The following PTPRN2 variants were observed in gnomAD, a reference collection of about 807,000 sequenced individuals.
The protein encoded by PTPRN2 is receptor-type tyrosine-protein phosphatase N2.
PTPRN2 carries 74 observed loss-of-function variants against 118.8 expected under a neutral mutation model. The ratio of observed to expected loss-of-function variants is 0.62; its 90% CI spans 0.52 to 0.76. PTPRN2 has a LOEUF of 0.76. Ranked by LOEUF, PTPRN2 falls within the 30% of genes least tolerant of loss-of-function variation. The pLI, the probability that PTPRN2 is intolerant of heterozygous loss-of-function variation, is 0.00. For missense variants in PTPRN2, 1,481 were observed against 1,394.4 expected (o/e 1.06, Z -0.99); for synonymous variants, 641 against 608.0 (o/e 1.05, Z -0.80).
intron 1 of PTPRN2, among the ~76,000 whole-genome samples, chr7:158,512,063 G>A (rs542780167): frequency 5.3e-5 from 8 of 152,302 alleles, no homozygotes; most frequent in African/African-American, 1.9e-4. Flanking sequence ...AATCAAGGAT[G>A]CTTCAGATCC....
At chr7:158,137,236 C>A (rs185383419) in intron 7 of PTPRN2, among the ~76,000 whole-genome samples, 97 of 152,022 alleles carry the variant, frequency 6.4e-4, no homozygotes, top group African/African-American at 2.3e-3. Flanking sequence ...GGCCAACAGG[C>A]GAAACCCCGT....
intron 11 of PTPRN2, among the ~76,000 whole-genome samples, chr7:158,066,010 C>T (rs1030475470): frequency 3.9e-5 from 6 of 152,202 alleles, no homozygotes; most frequent in East Asian, 3.9e-4. Context: ...CACACAGGGA[C>T]GGGCTTTCTT....
intron 2 of PTPRN2, among the ~76,000 whole-genome samples, chr7:158,407,937 T>C (rs1792714655): frequency 6.6e-6 from 1 of 152,252 alleles, no homozygotes; most frequent in African/African-American, 2.4e-5. Context: ...AGAGCTTGTG[T>C]GCAAATTCCC....
rs909062260 is a variant in PTPRN2, at chr7:157,590,255, T to G, written c.2496+4983A>C. 1.3e-5 allele frequency among the ~76,000 whole-genome samples: 2 copies of G among 152,112 alleles called. No homozygotes were observed. The highest frequency in any genetic ancestry group is 4.8e-5 in the African/African-American group (2 of 41,414). On this transcript the variant is annotated intron_variant, in intron 17 of 22. Transcript: ENST00000389418. This position sits in a 1 kb window ranked among gnomAD's most constrained non-coding sequence, Gnocchi z 4.0. Reference sequence around the variant, plus strand: ...ACAAAATGACACCCTCACCCCAAAATGGGTATTCTTTCCTTGAGGGATGTT... The same window carrying G: ...ACAAAATGACACCCTCACCCCAAAAGGGGTATTCTTTCCTTGAGGGATGTT...
chr7:158,138,266 G>A (rs760009063), intron 7 of PTPRN2, 28 bp downstream of exon 7: 4 of 1,603,230 alleles, frequency 2.5e-6, no homozygotes, highest in South Asian at 2.2e-5. Context: ...GCACCCCTGG[G>A]TGTGGGCACC....
chr7:157,702,379 G>C lies in PTPRN2; in HGVS notation c.1789-19442C>G, dbSNP rs552379042. On this transcript the variant is annotated intron_variant, in intron 12 of 22. Coordinates refer to ENST00000389418, the MANE Select transcript of PTPRN2 (RefSeq NM_002847.5). The stretch of plus-strand genomic sequence containing the variant: ...CTATGAGAAAGCCTGGTAGGTGCTG[G>C]TGTAACTGACACGGGCTCTGAGTTT... Among the ~76,000 whole-genome samples, 3 of 152,332 alleles carry C rather than the reference G, an allele frequency of 2.0e-5. No homozygotes were observed. The East Asian group carries it at 5.8e-4, about 29-fold the overall frequency.
At chr7:158,338,647 T>C (rs1806147898) in intron 2 of PTPRN2, among the ~76,000 whole-genome samples, 1 of 53,048 alleles carries the variant, frequency 1.9e-5, no homozygotes, top group Non-Finnish European at 3.3e-5. Flanking sequence ...CCATAAAAGC[T>C]GATGCCTGCA....
Position 158,167,001 on chromosome 7 carries a change from C to A in PTPRN2, c.840G>T (p.Leu280=). 1 of 1,467,656 alleles carries A rather than the reference C, an allele frequency of 6.8e-7. No homozygotes were observed. Among genetic ancestry groups the A allele is most frequent in the African/African-American group, 1.4e-5 (1 of 70,756 alleles). The allele number at this position is 1,467,656 out of a possible 1,614,324, so 90.9% of individuals were successfully genotyped here. A position where few individuals can be genotyped will look rare whatever the true frequency, so the allele number is the denominator to read the frequency against. ...GCCACTTCTGGGGGGCGGCTGGTGC[C>A]AGCAAAGGCCTGGGCATTCTTGAGG... ...RAPSRMPRPL[L]APAAPQKWPS... Residue 280 remains leucine, a synonymous_variant, in exon 6 of 23, where the codon CTG becomes CTT. Transcript: ENST00000389418.
intron 10 of PTPRN2, among the ~76,000 whole-genome samples, chr7:158,085,224 AC>A (rs1480370648): frequency 1.0e-5 from 1 of 98,210 alleles, no homozygotes; most frequent in East Asian, 3.7e-4. Flanking sequence ...CCACACAGAT[AC>A]CCATCCACAC....
chr7:158,516,904 T>C (rs1005572969), intron 1 of PTPRN2, among the ~76,000 whole-genome samples: 8 of 152,222 alleles, frequency 5.3e-5, no homozygotes, highest in African/African-American at 1.9e-4. Context: ...TTCCTGGTGC[T>C]GTTCTTGGTG....
intron 2 of PTPRN2, among the ~76,000 whole-genome samples, chr7:158,327,242 T>TACATGCACACATTCTC (rs1170197981): frequency 6.9e-6 from 1 of 145,330 alleles, no homozygotes; most frequent in Non-Finnish European, 1.5e-5. Flanking sequence ...CATATCCACA[T>TACATGCACACATTCTC]ACATGCACAC....
intron 1 of PTPRN2, among the ~76,000 whole-genome samples, chr7:158,490,202 C>A (rs1006960185): frequency 6.6e-6 from 1 of 152,206 alleles, no homozygotes; most frequent in Non-Finnish European, 1.5e-5. Context: ...CGCCGGGGAG[C>A]GGAGGCTTCC....
chr7:158,014,550 T>A (rs1806297464), intron 11 of PTPRN2, among the ~76,000 whole-genome samples: 1 of 151,458 alleles, frequency 6.6e-6, no homozygotes, highest in Admixed American at 6.6e-5. Context: ...CACCTACCCA[T>A]CCATTCAGGA....
At chr7:158,534,312 G>A (rs1198305884) in intron 1 of PTPRN2, among the ~76,000 whole-genome samples, 18 of 140,946 alleles carry the variant, frequency 1.3e-4, no homozygotes, top group African/African-American at 4.0e-4. Flanking sequence ...GACCACCCAC[G>A]CCCCGGGCTC....
rs994832520 is a variant in PTPRN2, at chr7:157,567,142, A to G, written c.2902+1760T>C. On this transcript the variant is annotated intron_variant, in intron 21 of 22. Coordinates refer to ENST00000389418, the MANE Select transcript of PTPRN2 (RefSeq NM_002847.5). Reference sequence around the variant, plus strand: ...TGGCTCTGAGCTCCAATAGCTGTAAATTTGGAAAGGAAAAGAAATATTTGA... The same window carrying G: ...TGGCTCTGAGCTCCAATAGCTGTAAGTTTGGAAAGGAAAAGAAATATTTGA... Among the ~76,000 whole-genome samples the G allele has an allele frequency of 2.0e-5, 3 of 152,260 alleles. No homozygotes were observed. The South Asian group carries it at 6.2e-4, about 32-fold the overall frequency.
Position 157,893,223 on chromosome 7 carries a change from T to C in PTPRN2, c.1788+5450A>G, listed in dbSNP as rs1354233980. Among the ~76,000 whole-genome samples the C allele has an allele frequency of 6.6e-6, 1 of 152,200 alleles. No individual in the cohort carries two copies. The highest frequency in any genetic ancestry group is 1.5e-5 in the Non-Finnish European group (1 of 68,036). On this transcript the variant is annotated intron_variant, in intron 12 of 22. Transcript: ENST00000389418. This position sits in a 1 kb window ranked among gnomAD's most constrained non-coding sequence, Gnocchi z 4.0. Reference sequence around the variant, plus strand: ...AACACTCTAGCGTTTGGTAATTTTCTGTCCCAGGGATGACGGAGCCTCTGC... The same window carrying C: ...AACACTCTAGCGTTTGGTAATTTTCCGTCCCAGGGATGACGGAGCCTCTGC...
intron 15 of PTPRN2, among the ~76,000 whole-genome samples, chr7:157,612,878 G>A (rs1315799404): frequency 3.3e-5 from 5 of 152,182 alleles, no homozygotes; most frequent in Non-Finnish European, 7.4e-5. Flanking sequence ...GAGCAGCTCC[G>A]GCGGCACACC....
intron 2 of PTPRN2, among the ~76,000 whole-genome samples, chr7:158,476,502 C>T (rs760590256): frequency 5.3e-5 from 8 of 152,236 alleles, no homozygotes; most frequent in African/African-American, 9.6e-5. Flanking sequence ...CAAGGACGCA[C>T]GAAGGATCAG....
chr7:158,348,495 C>G (rs10243176), intron 2 of PTPRN2, among the ~76,000 whole-genome samples: 74,660 of 100,284 alleles, frequency 0.74, 26,389 homozygotes, highest in Non-Finnish European at 0.81. Context: ...CCCTGGGGTC[C>G]CCATTCACAG....
Sources: allele counts gnomAD v4.1 joint callset (sites outside exome capture counted in the v4.1 genomes callset), GRCh38; gene constraint gnomAD v4.1.1; non-coding constraint Gnocchi (gnomAD v3.1); transcripts MANE v1.5; gene names NCBI Gene and HGNC (gene_info 2026-07-23, HGNC 2026-07-21).